CYLC2: variants seen among roughly 807,000 people sequenced by gnomAD.
CYLC2 encodes the protein cylicin-2.
In CYLC2, 30 loss-of-function variants were observed where a neutral mutation model predicts 26.1. That is an observed-to-expected ratio of 1.15 (90% CI 0.86 to 1.56). CYLC2 has a LOEUF of 1.56. CYLC2 is among the 40% of genes most tolerant of loss of function. CYLC2 has a pLI of 0.00. For synonymous variants in CYLC2, 158 were observed against 132.8 expected (o/e 1.19, Z -1.31); for missense variants, 498 against 394.4 (o/e 1.26, Z -2.23).
intron 1 of CYLC2, among the ~76,000 whole-genome samples, chr9:102,998,945 A>G (rs1462169160): frequency 1.3e-5 from 2 of 151,850 alleles, no homozygotes; most frequent in African/African-American, 4.8e-5. Context: ...CATATAAGTA[A>G]TTTATTCCTT....
At chr9:103,001,480 TC>T (rs1345737237) in intron 1 of CYLC2, 97 bp from the exon 2 acceptor site, 21 of 689,222 alleles carry the variant, frequency 3.0e-5, no homozygotes, top group African/African-American at 5.5e-5. Flanking sequence ...GAAATATTTC[TC>T]TAGTTGTTGG....
intron 4 of CYLC2, 30 bp from the exon 5 acceptor site, chr9:103,004,939 T>G (rs1342360753): frequency 6.3e-6 from 10 of 1,576,378 alleles, no homozygotes; most frequent in Middle Eastern, 1.7e-4. Flanking sequence ...ATTTTCCCAT[T>G]TTAAGAAATA....
chr9:103,001,395 T>A (rs1210340129), intron 1 of CYLC2, among the ~76,000 whole-genome samples, 183 bp from the exon 2 acceptor site: 1 of 151,872 alleles, frequency 6.6e-6, no homozygotes, highest in Non-Finnish European at 1.5e-5. Context: ...CTGTTGTAAT[T>A]TGAAAACACA....
At chr9:102,995,848 C>T (rs926776160) in intron 1 of CYLC2, among the ~76,000 whole-genome samples, 1 of 151,764 alleles carries the variant, frequency 6.6e-6, no homozygotes, top group Non-Finnish European at 1.5e-5. Context: ...GCAGCTCTAT[C>T]CAAATGTGAC....
chr9:102,998,398 A>G (rs937281397), intron 1 of CYLC2, among the ~76,000 whole-genome samples: 40 of 151,968 alleles, frequency 2.6e-4, no homozygotes, highest in African/African-American at 9.4e-4. Context: ...TCAATAAGAC[A>G]GTTTGTAAGT....
chr9:103,006,400 T>G (rs1829350845), intron 5 of CYLC2, 22 bp downstream of exon 5: 1 of 106,018 alleles, frequency 9.4e-6, no homozygotes, highest in South Asian at 5.5e-4. Flanking sequence ...TTGTTTTGTT[T>G]ACTTATTTAT....
intron 3 of CYLC2, 135 bp from the exon 4 acceptor site, chr9:103,004,560 A>T: frequency 1.6e-6 from 1 of 629,666 alleles, no homozygotes; most frequent in Non-Finnish European, 2.6e-6. Context: ...TAAAGGATGA[A>T]ATCTCAAACT....
chr9:103,014,104 A>G (rs1829456804), intron 6 of CYLC2, among the ~76,000 whole-genome samples: 1 of 119,554 alleles, frequency 8.4e-6, no homozygotes, highest in African/African-American at 3.3e-5. Flanking sequence ...AAAATTAAAT[A>G]TAATAAATAT....
At chr9:102,995,626 T>C (rs1346459043) in intron 1 of CYLC2, among the ~76,000 whole-genome samples, 1 of 151,884 alleles carries the variant, frequency 6.6e-6, no homozygotes, top group Non-Finnish European at 1.5e-5. Flanking sequence ...GATAAGTCTT[T>C]TTTGTTTGTT....
At chr9:103,009,708 C>A (rs978508049) in intron 5 of CYLC2, among the ~76,000 whole-genome samples, 1 of 152,014 alleles carries the variant, frequency 6.6e-6, no homozygotes, top group Non-Finnish European at 1.5e-5. Flanking sequence ...ATCTCTCCTT[C>A]AATTCCCCAC....
chr9:103,002,325 G>A (rs1343990553), intron 2 of CYLC2, among the ~76,000 whole-genome samples: 2 of 146,944 alleles, frequency 1.4e-5, no homozygotes, highest in East Asian at 2.0e-4. Flanking sequence ...CACCTATAAC[G>A]ATACCATTCT....
rs71511703 is a variant in CYLC2 at position 103,004,709 on chromosome 9, A to G, written c.195A>G (p.Glu65=). Residue 65 remains glutamate (E), a synonymous_variant, in exon 4 of 8, where the codon GAA becomes GAG. Coordinates refer to ENST00000374798, the MANE Select transcript of CYLC2 (RefSeq NM_001340.5). ...CCATCTTTCAGATAATTGATGAAGAACAATTAAGAGGAGATCGTAGACAAC... is the reference window on the plus strand; with the variant it reads ...CCATCTTTCAGATAATTGATGAAGAGCAATTAAGAGGAGATCGTAGACAAC... ...RDNTVSIIDE[E]QLRGDRRQPL... The G allele has an allele frequency of 4.0e-5, 63 of 1,590,360 alleles. No homozygotes were observed. The Middle Eastern group carries it at 1.0e-3, about 25-fold the overall frequency.
intron 1 of CYLC2, among the ~76,000 whole-genome samples, chr9:102,998,990 A>G (rs1366272942): frequency 6.6e-6 from 1 of 151,950 alleles, no homozygotes; most frequent in Non-Finnish European, 1.5e-5. Flanking sequence ...ACATTTACAT[A>G]GCACACTTAG....
chr9:103,012,512 A>G (rs1415248536), intron 6 of CYLC2, among the ~76,000 whole-genome samples: 1 of 152,038 alleles, frequency 6.6e-6, no homozygotes, highest in Non-Finnish European at 1.5e-5. Flanking sequence ...CAGTTTTTAT[A>G]ATTATTCTTT....
intron 6 of CYLC2, among the ~76,000 whole-genome samples, chr9:103,013,789 A>C (rs1346442560): frequency 9.4e-6 from 1 of 106,356 alleles, no homozygotes; most frequent in Non-Finnish European, 1.7e-5. Context: ...TTATATGATT[A>C]TATTTTATAT....
At chr9:103,004,577 T>A in intron 3 of CYLC2, 118 bp from the exon 4 acceptor site, 1 of 751,958 alleles carries the variant, frequency 1.3e-6, no homozygotes, top group Non-Finnish European at 2.0e-6. Context: ...AACTTCCCCA[T>A]TTTTTAACAA....
chr9:103,015,025 T>A (rs1829481305), intron 6 of CYLC2, among the ~76,000 whole-genome samples: 2 of 131,520 alleles, frequency 1.5e-5, no homozygotes, highest in Admixed American at 8.4e-5. Context: ...GTAGTATACA[T>A]AATACATGTG....
chr9:103,006,345 A>G lies in CYLC2; in HGVS notation c.*667A>G, dbSNP rs1280814378. 6.6e-6 allele frequency: 1 copy of G among 152,098 alleles called. No homozygotes were observed. Among genetic ancestry groups the G allele is most frequent in the East Asian group, 1.9e-4 (1 of 5,192 alleles). The allele number at this position is 152,098 out of a possible 1,614,324, so 9.4% of individuals were successfully genotyped here. On this transcript the variant is annotated 3_prime_UTR_variant, in exon 5 of 8. Transcript: ENST00000374798. ...CCACAGTCATGTTTATGGTTGTTGG[A>G]TGTGCCACTTCCAATCCAAAAGAAG...
Position 103,003,183 on chromosome 9 carries a change from G to A in CYLC2, c.100G>A (p.Ala34Thr), listed in dbSNP as rs80140014. The A allele has an allele frequency of 8.1e-4, 1,313 of 1,613,706 alleles. 11 individuals carry two copies. The African/African-American group carries it at 0.015, about 19-fold the overall frequency. ...SKKSWNQQHFALLFPKPQRPG... is the reference protein window; with the variant it reads ...SKKSWNQQHFTLLFPKPQRPG... ...AAAATCATGGAATCAGCAACACTTT[G>A]CCCTGTTATTTCCCAAACCACAACG... Residue 34 changes from alanine (A) to threonine (T), a missense_variant, in exon 3 of 8, where the codon GCC (alanine) becomes ACC (threonine). By Grantham distance (58) the Ala-to-Thr change is moderately conservative. Transcript: ENST00000374798.
Sources: gnomAD v4.1 joint callset for allele counts (sites outside exome capture counted in the v4.1 genomes callset) on GRCh38, gnomAD v4.1.1 for gene constraint, MANE v1.5 for transcripts, NCBI Gene and HGNC (gene_info 2026-07-23, HGNC 2026-07-21) for gene names.